The following RFTN1 variants were observed in gnomAD, a reference collection of about 807,000 sequenced individuals.
RFTN1 encodes raftlin, lipid raft linker 1, also known as raftlin.
Under a neutral mutation model 46.5 loss-of-function variants are expected in RFTN1, and 26 were observed. The ratio of observed to expected loss-of-function variants is 0.56; its 90% CI spans 0.41 to 0.78. The LOEUF is 0.78. Ranked by LOEUF, RFTN1 falls within the 30% of genes least tolerant of loss-of-function variation. RFTN1 has a pLI of 0.00. For synonymous variants in RFTN1, 261 were observed against 284.2 expected (o/e 0.92, Z 0.82); for missense variants, 693 against 718.7 (o/e 0.96, Z 0.41).
At position 16,315,851 on chromosome 3, in the gene RFTN1, T is replaced by C. The variant is rs1401437133; in HGVS notation, c.*977A>G. On this transcript the variant is annotated 3_prime_UTR_variant, in exon 10 of 10. Coordinates refer to ENST00000334133, the MANE Select transcript of RFTN1 (RefSeq NM_015150.2). ...CACGATAAACACTCAATCCTCACGG[T>C]GCACTAACTCATAGATGATTTATTG... 2 of 152,378 alleles carry C rather than the reference T, an allele frequency of 1.3e-5. No individual in the cohort carries two copies. Among genetic ancestry groups the C allele is most frequent in the Non-Finnish European group, 2.9e-5 (2 of 68,054 alleles). 9.4% of individuals were successfully genotyped at this position (152,378 alleles called of 1,614,324 possible). A position where few individuals can be genotyped will look rare whatever the true frequency, so the allele number is the denominator to read the frequency against.
Position 16,357,994 on chromosome 3 carries a change from C to G in RFTN1, c.1084G>C (p.Glu362Gln). The stretch of plus-strand genomic sequence containing the variant: ...TAGCCCTGTATGGTTTTGCTATCTT[C>G]TGTGGAAACAGCTTCAAAGATGAAT... Reference protein sequence around the residue: ...GVFIFEAVSTEDSKTIQGYDA... With the variant: ...GVFIFEAVSTQDSKTIQGYDA... Residue 362 changes from glutamate (E) to glutamine (Q), a missense_variant, in exon 7 of 10, where the codon GAA becomes CAA. Transcript: ENST00000334133. The G allele has an allele frequency of 6.2e-7, 1 of 1,601,872 alleles. No homozygotes were observed. The highest frequency in any genetic ancestry group is 8.5e-7 in the Non-Finnish European group (1 of 1,175,298).
chr3:16,317,146 T>C lies in RFTN1; in HGVS notation c.1419A>G (p.Gln473=), dbSNP rs144033936. 1 of 1,613,738 alleles carries C rather than the reference T, an allele frequency of 6.2e-7. No individual in the cohort carries two copies. The highest frequency in any genetic ancestry group is 8.5e-7 in the Non-Finnish European group (1 of 1,179,956). ...KGKLSARDKQ[Q]AEENEKNLED... is the part of the protein sequence containing the mutation. ...CTAAGTTCTTCTCATTTTCTTCTGC[T>C]TGTTGTTTGTCTCTGGCACTGAGTT... Residue 473 remains glutamine (Q), a synonymous_variant, in exon 10 of 10, where the codon CAA becomes CAG. Coordinates refer to ENST00000334133, the MANE Select transcript of RFTN1 (RefSeq NM_015150.2). This position sits in a 1 kb window ranked among gnomAD's most constrained non-coding sequence, Gnocchi z 4.3.
chr3:16,460,795 G>T lies in RFTN1; in HGVS notation c.146-26758C>A, dbSNP rs536070634. Among the ~76,000 whole-genome samples, 178 of 152,300 alleles carry T rather than the reference G, an allele frequency of 1.2e-3. 1 individual carries two copies. The highest frequency in any genetic ancestry group is 6.0e-3 in the Admixed American group (92 of 15,304). ...AATATTTTAGAGCTAGATGGTTCCA[G>T]AAAATCTGAGACATGTGGCCACCAC... On this transcript the variant is annotated intron_variant, in intron 2 of 9. Coordinates refer to ENST00000334133, the MANE Select transcript of RFTN1 (RefSeq NM_015150.2). This position sits in a 1 kb window ranked among gnomAD's most constrained non-coding sequence, Gnocchi z 4.8.
rs2071021538 is a variant in RFTN1 at position 16,337,961 on chromosome 3, C to T, written c.1147-11085G>A. Among the ~76,000 whole-genome samples the T allele has an allele frequency of 6.6e-6, 1 of 152,154 alleles. No individual in the cohort carries two copies. Among genetic ancestry groups the T allele is most frequent in the Non-Finnish European group, 1.5e-5 (1 of 68,028 alleles). ...CTACTGTGAGGCCCAGCAGTGCCAC[C>T]AGCTTGCCCTGGAAGAGAGAGATAA... On this transcript the variant is annotated intron_variant, in intron 7 of 9. Transcript: ENST00000334133. This position sits in a 1 kb window ranked among gnomAD's most constrained non-coding sequence, Gnocchi z 5.0.
intron 7 of RFTN1, among the ~76,000 whole-genome samples, chr3:16,330,525 A>G (rs1042672962): frequency 1.3e-5 from 2 of 152,160 alleles, no homozygotes; most frequent in African/African-American, 4.8e-5. Flanking sequence ...ACAACACTCA[A>G]AAGCCAGCCT....
In RFTN1 at chr3:16,329,862, A is replaced by G. The variant is rs575838486; in HGVS notation, c.1147-2986T>C. Among the ~76,000 whole-genome samples, 1 of 152,216 alleles carries G rather than the reference A, an allele frequency of 6.6e-6. No homozygotes were observed. Among genetic ancestry groups the G allele is most frequent in the African/African-American group, 2.4e-5 (1 of 41,530 alleles). On this transcript the variant is annotated intron_variant, in intron 7 of 9. Coordinates refer to ENST00000334133, the MANE Select transcript of RFTN1 (RefSeq NM_015150.2). This position sits in a 1 kb window ranked among gnomAD's most constrained non-coding sequence, Gnocchi z 4.5. ...CACAAAGCCCTGAGTGGCAGAATGG[A>G]GTCCTTTTATTGGTGGCTGCATCTC... is the stretch of plus-strand genomic sequence containing the variant.
In RFTN1 at chr3:16,385,734, C is replaced by T. The variant is rs141830961; in HGVS notation, c.442-7632G>A. Among the ~76,000 whole-genome samples, 3 of 152,308 alleles carry T rather than the reference C, an allele frequency of 2.0e-5. No homozygotes were observed. The highest frequency in any genetic ancestry group is 6.5e-5 in the Admixed American group (1 of 15,300). ...GGAGGGCACAGTCAAAGAGTCAACA[C>T]GCTGGAGTAGTCAGGAGTCACCTCT... is the stretch of plus-strand genomic sequence containing the variant. On this transcript the variant is annotated intron_variant, in intron 4 of 9. Coordinates refer to ENST00000334133, the MANE Select transcript of RFTN1 (RefSeq NM_015150.2). This position sits in a 1 kb window ranked among gnomAD's most constrained non-coding sequence, Gnocchi z 5.0.
At chr3:16,397,310 T>C (rs1056515369) in intron 4 of RFTN1, among the ~76,000 whole-genome samples, 2 of 151,892 alleles carry the variant, frequency 1.3e-5, no homozygotes, top group Non-Finnish European at 2.9e-5. Flanking sequence ...AAATATCAAA[T>C]ACATAGAAAC....
intron 2 of RFTN1, among the ~76,000 whole-genome samples, chr3:16,456,872 T>A (rs2075916239): frequency 6.6e-6 from 1 of 152,236 alleles, no homozygotes; most frequent in South Asian, 2.1e-4. Context: ...CCCAGACCAC[T>A]CTGAGAACCA....
chr3:16,419,485 C>T (rs1015302570), intron 3 of RFTN1, among the ~76,000 whole-genome samples: 4 of 152,080 alleles, frequency 2.6e-5, no homozygotes, highest in African/African-American at 7.2e-5. Context: ...AGTGGGTGGA[C>T]GGAAGAGCAG....
At chr3:16,364,465 T>C (rs1418326436) in intron 6 of RFTN1, among the ~76,000 whole-genome samples, 2 of 152,178 alleles carry the variant, frequency 1.3e-5, no homozygotes, top group African/African-American at 4.8e-5. Flanking sequence ...CAGATCCTGT[T>C]TGAGGCACCG....
intron 4 of RFTN1, among the ~76,000 whole-genome samples, chr3:16,399,544 G>A (rs377689749): frequency 4.6e-5 from 7 of 152,274 alleles, no homozygotes; most frequent in African/African-American, 1.7e-4. Context: ...CCCACACTCA[G>A]CAAGTTTCAC....
intron 2 of RFTN1, among the ~76,000 whole-genome samples, chr3:16,470,289 T>C (rs2076172434): frequency 6.6e-6 from 1 of 151,632 alleles, no homozygotes; most frequent in South Asian, 2.1e-4. Context: ...ACAAAGCAAC[T>C]TTCTGAGGGC....
chr3:16,351,379 C>T lies in RFTN1; in HGVS notation c.1146+6553G>A, dbSNP rs2072092587. 6.6e-6 allele frequency among the ~76,000 whole-genome samples: 1 copy of T among 152,150 alleles called. No homozygotes were observed. The highest frequency in any genetic ancestry group is 1.5e-5 in the Non-Finnish European group (1 of 68,018). On this transcript the variant is annotated intron_variant, in intron 7 of 9. Transcript: ENST00000334133. The surrounding 1 kb of genome is among the most constrained non-coding windows in gnomAD (Gnocchi z 5.4). ...GAATGAAGGATGATATATCCATGAT[C>T]AGAAATGTCTTGACAGGCTGGGGAA...
At chr3:16,350,886 A>C (rs948964342) in intron 7 of RFTN1, among the ~76,000 whole-genome samples, 10 of 152,232 alleles carry the variant, frequency 6.6e-5, no homozygotes, top group African/African-American at 2.4e-4. Flanking sequence ...AGATGGTTTA[A>C]AAAGAACAAA....
chr3:16,317,575 G>A lies in RFTN1; in HGVS notation c.1333-343C>T, dbSNP rs554876431. Among the ~76,000 whole-genome samples, 17 of 152,312 alleles carry A rather than the reference G, an allele frequency of 1.1e-4. No individual in the cohort carries two copies. Among genetic ancestry groups the A allele is most frequent in the African/African-American group, 3.6e-4 (15 of 41,562 alleles). Reference sequence around the variant, plus strand: ...TGGAGGGCCAGGATGGAGAGGAGATGTGAGGCCTGCCCCCAGTAAGAGCCA... The same window carrying A: ...TGGAGGGCCAGGATGGAGAGGAGATATGAGGCCTGCCCCCAGTAAGAGCCA... On this transcript the variant is annotated intron_variant, in intron 9 of 9. Transcript: ENST00000334133. The surrounding 1 kb of genome is among the most constrained non-coding windows in gnomAD (Gnocchi z 4.3).
At position 16,322,593 on chromosome 3, in the gene RFTN1, A is replaced by G. The variant is rs1045311344; in HGVS notation, c.1332+783T>C. Among the ~76,000 whole-genome samples, 2 of 152,170 alleles carry G rather than the reference A, an allele frequency of 1.3e-5. No homozygotes were observed. The highest frequency in any genetic ancestry group is 2.9e-5 in the Non-Finnish European group (2 of 68,018). Reference sequence around the variant, plus strand: ...CGACTCACTGGCCTCTTCCCCAGCAACTGGTGAAAATGTCCTCAGGAAAAG... The same window carrying G: ...CGACTCACTGGCCTCTTCCCCAGCAGCTGGTGAAAATGTCCTCAGGAAAAG... On this transcript the variant is annotated intron_variant, in intron 9 of 9. Coordinates refer to ENST00000334133, the MANE Select transcript of RFTN1 (RefSeq NM_015150.2). This position sits in a 1 kb window ranked among gnomAD's most constrained non-coding sequence, Gnocchi z 6.2.
chr3:16,337,740 C>CAAAA lies in RFTN1; in HGVS notation c.1147-10868_1147-10865dup, dbSNP rs5846920. ...CTGGCGACAGAGCGAGACTCCATCT[C>CAAAA]AAAAAAAAAAAAAAAAAGAAAAGAA... On this transcript the variant is annotated intron_variant, in intron 7 of 9. Transcript: ENST00000334133. This position sits in a 1 kb window ranked among gnomAD's most constrained non-coding sequence, Gnocchi z 5.0. Among the ~76,000 whole-genome samples the CAAAA allele has an allele frequency of 1.1e-5, 1 of 95,172 alleles. No individual in the cohort carries two copies. Among genetic ancestry groups the CAAAA allele is most frequent in the Non-Finnish European group, 2.4e-5 (1 of 42,250 alleles). 62.4% of individuals were successfully genotyped at this position (95,172 alleles called of 152,430 possible).
chr3:16,339,058 C>T (rs73142386), intron 7 of RFTN1, among the ~76,000 whole-genome samples: 4,807 of 152,254 alleles, frequency 0.032, 238 homozygotes, highest in African/African-American at 0.11. Flanking sequence ...TAGCTAACAA[C>T]GAACAGAGCC....
Sources: gnomAD v4.1 joint callset for allele counts (sites outside exome capture counted in the v4.1 genomes callset) on GRCh38, gnomAD v4.1.1 for gene constraint, Gnocchi (gnomAD v3.1) non-coding constraint, MANE v1.5 for transcripts, NCBI Gene and HGNC (gene_info 2026-07-23, HGNC 2026-07-21) for gene names.